ROPN1L: variants seen among roughly 807,000 people sequenced by gnomAD.
The protein encoded by ROPN1L is ropporin-1-like protein.
Under a neutral mutation model 22.7 loss-of-function variants are expected in ROPN1L, and 23 were observed. The ratio of observed to expected loss-of-function variants is 1.01; its 90% confidence interval spans 0.73 to 1.43. The LOEUF is 1.43. ROPN1L is among the 40% of genes most tolerant of loss of function. ROPN1L has a pLI of 0.00. For missense variants in ROPN1L, 271 were observed against 291.5 expected, an observed-to-expected ratio of 0.93 and a Z score of 0.51; for synonymous variants, 116 against 117.8, an observed-to-expected ratio of 0.98 and a Z score of 0.10.
chr5:10,471,492 G>T (rs1210704251), intron 4 of ROPN1L, among the ~76,000 whole-genome samples: 1 of 152,194 alleles, frequency 6.6e-6, no homozygotes, highest in Non-Finnish European at 1.5e-5. Flanking sequence ...GGGGCGGCCT[G>T]TTAGGAATAC....
At chr5:10,449,332 A>G (rs1301741735) in intron 2 of ROPN1L, among the ~76,000 whole-genome samples, 1 of 152,136 alleles carries the variant, frequency 6.6e-6, no homozygotes, top group Admixed American at 6.5e-5. Flanking sequence ...CAGCCTGGCC[A>G]ACAAGGTGAA....
the ROPN1L span, chr5:10,481,810 T>A: frequency 3.9e-5 from 6 of 152,214 alleles, no homozygotes; most frequent in African/African-American, 1.4e-4. Context: ...CTAACCTTTG[T>A]CCCAGCGGGA....
At chr5:10,450,204 T>C (rs1304978362) in intron 3 of ROPN1L, 91 bp downstream of exon 3, 3 of 1,036,592 alleles carry the variant, frequency 2.9e-6, no homozygotes, top group Non-Finnish European at 4.1e-6. Flanking sequence ...AAGGAAACAC[T>C]TTAGTAACTT....
chr5:10,456,773 A>G (rs1330450993), intron 3 of ROPN1L, among the ~76,000 whole-genome samples: 1 of 152,196 alleles, frequency 6.6e-6, no homozygotes, highest in East Asian at 1.9e-4. Context: ...AAACGTTGAC[A>G]TGGGTAGTGT....
chr5:10,448,667 A>T (rs1024942279), intron 2 of ROPN1L, among the ~76,000 whole-genome samples: 1 of 152,242 alleles, frequency 6.6e-6, no homozygotes, highest in Non-Finnish European at 1.5e-5. Flanking sequence ...AATTTACATG[A>T]CACTAGATTC....
rs1741199086 is a variant in ROPN1L, at chr5:10,449,960, C to T, written c.264C>T (p.His88=). 2 of 1,608,900 alleles carry T rather than the reference C, an allele frequency of 1.2e-6. No individual in the cohort carries two copies. Among genetic ancestry groups the T allele is most frequent in the South Asian group, 2.2e-5 (2 of 89,926 alleles). Residue 88 remains histidine (H), a synonymous_variant, in exon 3 of 5, where the codon CAC becomes CAT. Coordinates refer to ENST00000274134, the MANE Select transcript of ROPN1L (RefSeq NM_031916.5). Reference sequence around the variant, plus strand: ...CTGTGTTTTCCAAACAGTGTCACCACAAGCGGTATGTGGAATTAACAGATC... The same window carrying T: ...CTGTGTTTTCCAAACAGTGTCACCATAAGCGGTATGTGGAATTAACAGATC... The part of the protein sequence containing the change: ...LLKVLHKQCH[H]KRYVELTDLE...
chr5:10,461,469 A>C (rs1169862601), intron 4 of ROPN1L, 110 bp downstream of exon 4: 4 of 893,508 alleles, frequency 4.5e-6, no homozygotes, highest in African/African-American at 1.7e-5. Flanking sequence ...CTCTCACCAC[A>C]ACAATAATCA....
intron 3 of ROPN1L, among the ~76,000 whole-genome samples, chr5:10,460,587 A>G (rs1452033064): frequency 2.6e-5 from 4 of 152,226 alleles, no homozygotes; most frequent in African/African-American, 7.2e-5. Context: ...AGGGAGATGA[A>G]CGGTCTCAGG....
downstream of ROPN1L, among the ~76,000 whole-genome samples, chr5:10,475,501 C>T (rs1391049068): frequency 6.6e-6 from 1 of 152,130 alleles, no homozygotes; most frequent in Non-Finnish European, 1.5e-5. Flanking sequence ...CACTATGTGC[C>T]AAGCACCAGG....
intron 1 of ROPN1L, among the ~76,000 whole-genome samples, chr5:10,445,736 C>T (rs1473403439): frequency 6.6e-6 from 1 of 152,036 alleles, no homozygotes; most frequent in Non-Finnish European, 1.5e-5. Flanking sequence ...GACCAGCCTG[C>T]ACAACGTGGC....
rs201560421 is a variant in ROPN1L, at chr5:10,461,255, C to A, written c.489C>A (p.Ile163=). 3.7e-6 allele frequency: 6 copies of A among 1,614,142 alleles called. No homozygotes were observed. The African/African-American group carries it at 5.3e-5, about 14-fold the overall frequency. ...ATCCGGAGGGCGGGCCCGCTCGCAT[C>A]CCCTTCAAGACGTTTTCCTACGTTT... The part of the protein sequence containing the change: ...TDDPEGGPAR[I]PFKTFSYVYR... The change falls in exon 4 of 5, where the codon ATC becomes ATA. Residue 163 remains isoleucine (I), a synonymous_variant. Transcript: ENST00000274134.
downstream of ROPN1L, among the ~76,000 whole-genome samples, chr5:10,466,786 A>G (rs530861422): frequency 3.3e-5 from 5 of 152,320 alleles, no homozygotes; most frequent in South Asian, 8.3e-4. Flanking sequence ...GAGGGCTGCC[A>G]GAACGAAGCA....
At chr5:10,465,057 G>T, downstream of ROPN1L, 1 of 556,200 alleles carries the variant, frequency 1.8e-6, no homozygotes, top group South Asian at 3.7e-5. Context: ...TTCTCTAAAT[G>T]GGAATTTAGT....
downstream of ROPN1L, among the ~76,000 whole-genome samples, chr5:10,468,876 C>T (rs1238041359): frequency 6.6e-6 from 1 of 152,228 alleles, no homozygotes; most frequent in African/African-American, 2.4e-5. Context: ...AAACTTTGGG[C>T]TGGGCGCAAT....
At chr5:10,468,178 T>TC (rs1735186461), downstream of ROPN1L, among the ~76,000 whole-genome samples, 3 of 152,316 alleles carry the variant, frequency 2.0e-5, no homozygotes, top group South Asian at 6.2e-4. Flanking sequence ...CCATTGGGGC[T>TC]CCAAGTGCCC....
chr5:10,469,373 G>T (rs1441633326), downstream of ROPN1L, among the ~76,000 whole-genome samples: 2 of 151,358 alleles, frequency 1.3e-5, no homozygotes, highest in Admixed American at 6.6e-5. Context: ...TGTGGTCCCA[G>T]CTACCTGGGA....
At chr5:10,448,890 C>T (rs1483127670) in intron 2 of ROPN1L, among the ~76,000 whole-genome samples, 1 of 152,190 alleles carries the variant, frequency 6.6e-6, no homozygotes, top group Non-Finnish European at 1.5e-5. Flanking sequence ...CGCTTCTTTG[C>T]CCCACACGCC....
intron 1 of ROPN1L, among the ~76,000 whole-genome samples, chr5:10,445,061 G>A (rs1269136075): frequency 6.6e-6 from 1 of 151,962 alleles, no homozygotes; most frequent in East Asian, 1.9e-4. Context: ...GGCAACCTCT[G>A]CCTCCTGGTT....
downstream of ROPN1L, among the ~76,000 whole-genome samples, chr5:10,469,112 G>A (rs1281569441): frequency 6.6e-6 from 1 of 152,060 alleles, no homozygotes; most frequent in Non-Finnish European, 1.5e-5. Context: ...CCGAGATCGT[G>A]CCACTGCACT....
Sources: allele counts gnomAD v4.1 joint callset (sites outside exome capture counted in the v4.1 genomes callset), GRCh38; gene constraint gnomAD v4.1.1; transcripts MANE v1.5; gene names NCBI Gene and HGNC (gene_info 2026-07-23, HGNC 2026-07-21).